The following TENT5D variants were observed in gnomAD, a reference collection of about 807,000 sequenced individuals.
The protein encoded by TENT5D is cancer/testis antigen 112.
For synonymous variants in TENT5D, 103 were observed against 100.6 expected (o/e 1.02, Z -0.15); for missense variants, 191 against 287.0 (o/e 0.67, Z 2.42).
chrX:80,401,225 A>G lies in TENT5D; in HGVS notation c.-141-37385A>G, dbSNP rs147370128. Among the ~76,000 whole-genome samples, 544 of 111,684 alleles carry G rather than the reference A, an allele frequency of 4.9e-3. 3 individuals carry two copies. The highest frequency in any genetic ancestry group is 8.4e-3 in the Non-Finnish European group (446 of 53,089). On this transcript the variant is annotated intron_variant, in intron 3 of 4. Coordinates refer to the TENT5D transcript ENST00000538312. Reference sequence around the variant, plus strand: ...ATCTTCTTTGGAAAATGTGTTGTTAATGTAGAGAAATGCTACCAATTTTTG... The same window carrying G: ...ATCTTCTTTGGAAAATGTGTTGTTAGTGTAGAGAAATGCTACCAATTTTTG...
intron 1 of TENT5D, among the ~76,000 whole-genome samples, chrX:80,434,207 T>TAA (rs369574399): frequency 1.9e-4 from 16 of 85,044 alleles, no homozygotes; most frequent in East Asian, 7.2e-4. Flanking sequence ...GATCATAAAG[T>TAA]AAAAAAAAAA....
intron 3 of TENT5D, among the ~76,000 whole-genome samples, chrX:80,380,965 GT>G (rs1930853070): frequency 9.0e-6 from 1 of 111,586 alleles, no homozygotes. Context: ...TACGTTTAAG[GT>G]TAATATTGTT....
At chrX:80,415,310 AT>A (rs1931747285) in intron 3 of TENT5D, among the ~76,000 whole-genome samples, 2 of 110,537 alleles carry the variant, frequency 1.8e-5, no homozygotes, top group Admixed American at 1.9e-4. Flanking sequence ...GTTTTGCCTG[AT>A]TTTTCTAGCT....
At chrX:80,409,884 G>C (rs1345897097) in intron 3 of TENT5D, among the ~76,000 whole-genome samples, 6 of 106,295 alleles carry the variant, frequency 5.6e-5, no homozygotes, top group Non-Finnish European at 1.2e-4. Flanking sequence ...GCATGGTACT[G>C]GTACCAAAAC....
chrX:80,432,592 C>T (rs936235970), intron 1 of TENT5D, among the ~76,000 whole-genome samples: 1 of 111,662 alleles, frequency 9.0e-6, no homozygotes, highest in Non-Finnish European at 1.9e-5. Context: ...CTTACTCATC[C>T]TTTAGATGAA....
chrX:80,417,336 A>G (rs1205472798), upstream of TENT5D, among the ~76,000 whole-genome samples: 2 of 109,783 alleles, frequency 1.8e-5, no homozygotes, highest in Non-Finnish European at 3.8e-5. Context: ...ATTTCATTCT[A>G]TCATCATGTT....
intron 1 of TENT5D, among the ~76,000 whole-genome samples, chrX:80,422,691 GT>G (rs779471958): frequency 1.8e-5 from 2 of 110,121 alleles, no homozygotes; most frequent in South Asian, 3.9e-4. Flanking sequence ...AGTTTTTTGG[GT>G]TTTTTTTGTT....
intron 1 of TENT5D, among the ~76,000 whole-genome samples, chrX:80,422,475 A>T (rs1931909240): frequency 9.0e-6 from 1 of 111,482 alleles, no homozygotes; most frequent in Non-Finnish European, 1.9e-5. Context: ...ATGTCTCAAA[A>T]AAAAAATTGC....
At chrX:80,386,721 A>G (rs762068882) in intron 3 of TENT5D, among the ~76,000 whole-genome samples, 1 of 111,522 alleles carries the variant, frequency 9.0e-6, no homozygotes, top group South Asian at 3.7e-4. Flanking sequence ...AAATTAAATC[A>G]TTTTAATTTT....
chrX:80,418,209 G>A (rs1380726979), upstream of TENT5D, among the ~76,000 whole-genome samples: 1 of 109,694 alleles, frequency 9.1e-6, no homozygotes, highest in African/African-American at 3.3e-5. Flanking sequence ...GAGTGCAGTG[G>A]GGCAGTCATG....
At chrX:80,405,186 A>C (rs1177286738) in intron 3 of TENT5D, among the ~76,000 whole-genome samples, 1 of 112,823 alleles carries the variant, frequency 8.9e-6, no homozygotes, top group Non-Finnish European at 1.9e-5. Flanking sequence ...TTGAGTTTAT[A>C]AAGAATTAAA....
chrX:80,386,354 A>G (rs187784110), intron 3 of TENT5D, among the ~76,000 whole-genome samples: 1 of 110,746 alleles, frequency 9.0e-6, no homozygotes, highest in Non-Finnish European at 1.9e-5. Context: ...GGAATCGAAC[A>G]ATGAGAACCC....
chrX:80,351,709 C>G (rs1309085070), intron 3 of TENT5D, among the ~76,000 whole-genome samples: 5 of 110,363 alleles, frequency 4.5e-5, no homozygotes, highest in African/African-American at 1.7e-4. Context: ...GAGTTATGAT[C>G]ATTTGGAGGA....
At chrX:80,411,862 A>T (rs1931674670) in intron 3 of TENT5D, among the ~76,000 whole-genome samples, 1 of 111,932 alleles carries the variant, frequency 8.9e-6, no homozygotes, top group Non-Finnish European at 1.9e-5. Context: ...CATGGTGCAA[A>T]CTGCCAGTGG....
At chrX:80,434,176 G>C (rs1357998735) in intron 1 of TENT5D, among the ~76,000 whole-genome samples, 2 of 99,771 alleles carry the variant, frequency 2.0e-5, no homozygotes, top group Non-Finnish European at 4.0e-5. Flanking sequence ...ATGGAGCTAA[G>C]CATAGTATTT....
At chrX:80,381,695 C>T (rs1225003438) in intron 3 of TENT5D, among the ~76,000 whole-genome samples, 1 of 111,868 alleles carries the variant, frequency 8.9e-6, no homozygotes, top group Non-Finnish European at 1.9e-5. Flanking sequence ...CTTCTTGCTT[C>T]ATTTCATTCA....
chrX:80,387,055 A>G (rs1249309303), intron 3 of TENT5D, among the ~76,000 whole-genome samples: 1 of 112,291 alleles, frequency 8.9e-6, no homozygotes, highest in East Asian at 2.8e-4. Context: ...ATGCAAAGCT[A>G]CTCTGTCTTG....
chrX:80,362,604 A>G (rs1220085691), intron 3 of TENT5D, among the ~76,000 whole-genome samples: 1 of 111,311 alleles, frequency 9.0e-6, no homozygotes, highest in East Asian at 2.8e-4. Context: ...TTTCCTTGCT[A>G]TATCTCCTTT....
intron 3 of TENT5D, among the ~76,000 whole-genome samples, chrX:80,344,134 C>A (rs1275424700): frequency 9.1e-6 from 1 of 110,262 alleles, no homozygotes; most frequent in Non-Finnish European, 1.9e-5. Context: ...TGATTTTATT[C>A]TTTCTTATGG....
Sources: gnomAD v4.1 joint callset for allele counts (sites outside exome capture counted in the v4.1 genomes callset) on GRCh38, gnomAD v4.1.1 for gene constraint, MANE v1.5 for transcripts, NCBI Gene and HGNC (gene_info 2026-07-23, HGNC 2026-07-21) for gene names.